The following GOLPH3 variants were observed in gnomAD, a reference collection of about 807,000 sequenced individuals.
GOLPH3 encodes coat protein GPP34.
In GOLPH3, 14 loss-of-function variants were observed where a neutral mutation model predicts 28.5. The ratio of observed to expected loss-of-function variants is 0.49; its 90% CI spans 0.32 to 0.77. The LOEUF (loss-of-function observed/expected upper bound fraction) is 0.77, where lower values mean the gene tolerates loss of function less well. Among genes scored for constraint, GOLPH3 ranks in the 30% least tolerant of loss-of-function variants. The pLI is 0.03. For synonymous variants in GOLPH3, 158 were observed against 159.2 expected (o/e 0.99, Z 0.06); for missense variants, 350 against 393.7 (o/e 0.89, Z 0.94).
At chr5:32,135,018 TCTCCTTGA>T (rs1745903486) in intron 3 of GOLPH3, among the ~76,000 whole-genome samples, 1 of 152,228 alleles carries the variant, frequency 6.6e-6, no homozygotes, top group Non-Finnish European at 1.5e-5. Flanking sequence ...CACTTCCCTG[TCTCCTTGA>T]AGTTAGGGGA....
At chr5:32,150,663 T>C (rs780702219) in intron 1 of GOLPH3, among the ~76,000 whole-genome samples, 3 of 152,136 alleles carry the variant, frequency 2.0e-5, no homozygotes, top group African/African-American at 7.2e-5. Context: ...CTGGAAATGT[T>C]ATGGAGTTAA....
intron 1 of GOLPH3, among the ~76,000 whole-genome samples, chr5:32,158,021 AATAC>A (rs1446094601): frequency 3.0e-4 from 5 of 16,446 alleles, no homozygotes; most frequent in Admixed American, 8.7e-4. Flanking sequence ...AAATAAATAA[AATAC>A]ACACACACAC....
rs1745668398 is a variant in GOLPH3 at position 32,125,982 on chromosome 5, G to A, written c.*230C>T. 4 of 466,226 alleles carry A rather than the reference G, an allele frequency of 8.6e-6. No individual in the cohort carries two copies. The highest frequency in any genetic ancestry group is 6.0e-5 in the African/African-American group (3 of 50,034). 28.9% of individuals were successfully genotyped at this position (466,226 alleles called of 1,614,324 possible). A position where few individuals can be genotyped will look rare whatever the true frequency, so the allele number is the denominator to read the frequency against. On this transcript the variant is annotated 3_prime_UTR_variant, in exon 4 of 4. Coordinates refer to ENST00000265070, the MANE Select transcript of GOLPH3 (RefSeq NM_022130.4). ...AGGTAACAGTGAGGATGGCAACAGG[G>A]AATGGAATGCCAATATGGCAGTAAA...
chr5:32,147,820 A>T (rs1746211617), intron 1 of GOLPH3, among the ~76,000 whole-genome samples: 1 of 152,224 alleles, frequency 6.6e-6, no homozygotes, highest in Non-Finnish European at 1.5e-5. Flanking sequence ...TTTGTGAAGT[A>T]GTAAAGAACT....
chr5:32,148,843 C>T (rs1332830803), intron 1 of GOLPH3, among the ~76,000 whole-genome samples: 2 of 151,976 alleles, frequency 1.3e-5, no homozygotes, highest in Non-Finnish European at 2.9e-5. Flanking sequence ...GGCGTGGTGG[C>T]GCATGCCTGT....
rs746433444 is a variant in GOLPH3, at chr5:32,173,893, C to T, written c.142G>A (p.Asp48Asn). 133 of 1,521,710 alleles carry T rather than the reference C, an allele frequency of 8.7e-5. No individual in the cohort carries two copies. The highest frequency in any genetic ancestry group is 1.1e-4 in the Non-Finnish European group (128 of 1,137,956). 94.3% of individuals were successfully genotyped at this position (1,521,710 alleles called of 1,614,324 possible). A position where few individuals can be genotyped will look rare whatever the true frequency, so the allele number is the denominator to read the frequency against. Residue 48 changes from aspartate (D) to asparagine (N), a missense_variant, in exon 1 of 4, where the codon GAC becomes AAC. Coordinates refer to ENST00000265070, the MANE Select transcript of GOLPH3 (RefSeq NM_022130.4). ...TTGGAGTCGCCCTTGTCGTCGTCGT[C>T]CTGCTCGTCGCGGCGGCTCTGCGCG... is the stretch of plus-strand genomic sequence containing the variant. The part of the protein sequence containing the change: ...DDAQSRRDEQ[D>N]DDDKGDSKET...
intron 2 of GOLPH3, among the ~76,000 whole-genome samples, chr5:32,143,301 A>T (rs1252369541): frequency 5.3e-5 from 8 of 151,416 alleles, no homozygotes; most frequent in Non-Finnish European, 1.2e-4. Context: ...GTACCCAGGG[A>T]CACAAACACT....
intron 3 of GOLPH3, among the ~76,000 whole-genome samples, chr5:32,132,416 C>T (rs995854408): frequency 6.6e-6 from 1 of 152,094 alleles, no homozygotes; most frequent in Non-Finnish European, 1.5e-5. Context: ...CTCATTCTTA[C>T]CCTTCAAAGG....
chr5:32,133,535 G>C (rs1453977881), intron 3 of GOLPH3, among the ~76,000 whole-genome samples: 4 of 152,208 alleles, frequency 2.6e-5, no homozygotes, highest in Non-Finnish European at 5.9e-5. Flanking sequence ...CCAGTGCTCT[G>C]AAAACAATGT....
At chr5:32,144,425 T>C (rs1245061080) in intron 1 of GOLPH3, among the ~76,000 whole-genome samples, 2 of 152,172 alleles carry the variant, frequency 1.3e-5, no homozygotes, top group Non-Finnish European at 2.9e-5. Context: ...ATCCTGTTTC[T>C]ACCAAAAAAA....
At position 32,126,091 on chromosome 5, in the gene GOLPH3, T is replaced by C. The variant is rs1745671801; in HGVS notation, c.*121A>G. The C allele has an allele frequency of 2.9e-6, 3 of 1,026,822 alleles. No homozygotes were observed. The highest frequency in any genetic ancestry group is 3.3e-5 in the South Asian group (2 of 60,334). 63.6% of individuals were successfully genotyped at this position (1,026,822 alleles called of 1,614,324 possible). ...ACAAAAAAGAAAAAGCCACCCACCA[T>C]TTTGTAAAACAGAAGCCAATTATAG... On this transcript the variant is annotated 3_prime_UTR_variant, in exon 4 of 4. Coordinates refer to ENST00000265070, the MANE Select transcript of GOLPH3 (RefSeq NM_022130.4).
intron 1 of GOLPH3, among the ~76,000 whole-genome samples, chr5:32,149,631 A>C (rs1372279205): frequency 6.6e-6 from 1 of 152,250 alleles, no homozygotes; most frequent in African/African-American, 2.4e-5. Flanking sequence ...CAAGAGAATG[A>C]AGGTGACTTC....
intron 2 of GOLPH3, among the ~76,000 whole-genome samples, chr5:32,140,755 C>G (rs544999847): frequency 5.4e-5 from 8 of 146,928 alleles, no homozygotes; most frequent in South Asian, 4.4e-4. Flanking sequence ...GAACCAAGAT[C>G]ATACCAACCA....
intron 2 of GOLPH3, among the ~76,000 whole-genome samples, chr5:32,143,345 C>T (rs1746123903): frequency 6.6e-6 from 1 of 151,808 alleles, no homozygotes; most frequent in Admixed American, 6.6e-5. Flanking sequence ...CCTAGGAAAA[C>T]CAGAGACCTT....
chr5:32,148,746 G>A (rs746394810), intron 1 of GOLPH3, among the ~76,000 whole-genome samples: 5 of 152,186 alleles, frequency 3.3e-5, no homozygotes, highest in South Asian at 4.1e-4. Flanking sequence ...GCAGTGAGGC[G>A]AGATCGCGCC....
intron 2 of GOLPH3, among the ~76,000 whole-genome samples, chr5:32,141,871 C>T (rs530929223): frequency 1.1e-3 from 163 of 148,058 alleles, no homozygotes; most frequent in African/African-American, 3.4e-3. Flanking sequence ...CCCGAGGTGC[C>T]GGGATTGCAG....
chr5:32,160,895 G>A lies in GOLPH3; in HGVS notation c.225+12915C>T, dbSNP rs184197358. ...ATCCTGGCTAACACAGTGAAACCCC[G>A]TCGCTACTAAAAATACAAAAAATTA... On this transcript the variant is annotated intron_variant, in intron 1 of 3. Coordinates refer to ENST00000265070, the MANE Select transcript of GOLPH3 (RefSeq NM_022130.4). 3.7e-3 allele frequency among the ~76,000 whole-genome samples: 557 copies of A among 151,934 alleles called. 2 individuals carry two copies. The highest frequency in any genetic ancestry group is 0.013 in the African/African-American group (523 of 41,426).
intron 1 of GOLPH3, among the ~76,000 whole-genome samples, chr5:32,169,514 A>G (rs966819486): frequency 6.6e-6 from 1 of 152,226 alleles, no homozygotes; most frequent in African/African-American, 2.4e-5. Context: ...GCTGTTCCAT[A>G]GGCATACTCC....
Position 32,133,347 on chromosome 5 carries a change from T to C in GOLPH3, c.472+2225A>G, listed in dbSNP as rs6891964. On this transcript the variant is annotated intron_variant, in intron 3 of 3. Transcript: ENST00000265070. The stretch of plus-strand genomic sequence containing the variant: ...AGTGAAGGCAAAGCCCACTCTACAT[T>C]CCATAAAAAGAATCTTTAACACTGT... Among the ~76,000 whole-genome samples, 453 of 152,292 alleles carry C rather than the reference T, an allele frequency of 3.0e-3. 2 individuals carry two copies. Among genetic ancestry groups the C allele is most frequent in the African/African-American group, 0.011 (443 of 41,560 alleles).
Sources: gnomAD v4.1 joint callset for allele counts (sites outside exome capture counted in the v4.1 genomes callset) on GRCh38, gnomAD v4.1.1 for gene constraint, MANE v1.5 for transcripts, NCBI Gene and HGNC (gene_info 2026-07-23, HGNC 2026-07-21) for gene names.